CADM2: variants seen among roughly 807,000 people sequenced by gnomAD.
CADM2 encodes cell adhesion molecule 2.
A neutral mutation model predicts 49.8 loss-of-function variants in CADM2; 12 were observed. The observed-to-expected ratio is 0.24, with a 90% confidence interval of 0.15 to 0.39. The LOEUF (loss-of-function observed/expected upper bound fraction) is 0.39, where lower values mean the gene tolerates loss of function less well. Among genes scored for constraint, CADM2 ranks in the 10% least tolerant of loss-of-function variants. The pLI, the probability that CADM2 is intolerant of heterozygous loss-of-function variation, is 1.00. For missense variants in CADM2, 378 were observed against 492.3 expected (o/e 0.77, Z 2.20); for synonymous variants, 214 against 175.4 (o/e 1.22, Z -1.74).
chr3:85,269,958 C>T (rs1007517041), intron 1 of CADM2, among the ~76,000 whole-genome samples: 1 of 151,166 alleles, frequency 6.6e-6, no homozygotes, highest in African/African-American at 2.4e-5. Context: ...ATATCGTTTA[C>T]AGGCAAAATA....
intron 6 of CADM2, among the ~76,000 whole-genome samples, chr3:85,914,812 G>A (rs985728704): frequency 1.3e-5 from 2 of 152,204 alleles, no homozygotes; most frequent in African/African-American, 4.8e-5. Context: ...CTATTCTAAA[G>A]AGGCTTCTGG....
At chr3:85,136,744 C>T (rs1346881845) in intron 1 of CADM2, among the ~76,000 whole-genome samples, 1 of 151,886 alleles carries the variant, frequency 6.6e-6, no homozygotes, top group African/African-American at 2.4e-5. Flanking sequence ...TTTTTAATGA[C>T]TACCTCCAAA....
At chr3:85,830,470 A>C (rs2108227274) in intron 3 of CADM2, among the ~76,000 whole-genome samples, 1 of 152,084 alleles carries the variant, frequency 6.6e-6, no homozygotes, top group South Asian at 2.1e-4. Flanking sequence ...ACCATCCCAT[A>C]AGTTGCCTTT....
intron 2 of CADM2, among the ~76,000 whole-genome samples, chr3:85,789,693 T>C (rs1165786650): frequency 6.6e-6 from 1 of 152,174 alleles, no homozygotes; most frequent in Non-Finnish European, 1.5e-5. Flanking sequence ...ACACTGAACA[T>C]TTTATGGAGT....
At chr3:85,740,129 G>C (rs189579756) in intron 2 of CADM2, among the ~76,000 whole-genome samples, 3 of 152,280 alleles carry the variant, frequency 2.0e-5, no homozygotes, top group Admixed American at 2.0e-4. Flanking sequence ...ATTCTAGTTG[G>C]AATCCAGTTG....
chr3:85,247,685 G>A (rs762939276), intron 1 of CADM2, among the ~76,000 whole-genome samples: 5 of 152,112 alleles, frequency 3.3e-5, no homozygotes, highest in African/African-American at 4.8e-5. Context: ...GTTTGTTTTC[G>A]TTTTTCACTT....
At chr3:85,869,912 T>C (rs757997040) in intron 3 of CADM2, among the ~76,000 whole-genome samples, 1 of 152,206 alleles carries the variant, frequency 6.6e-6, no homozygotes, top group East Asian at 1.9e-4. Context: ...CCTCCCGCCT[T>C]GGCCTCCCAA....
chr3:85,734,855 C>T (rs2068068534), intron 2 of CADM2, among the ~76,000 whole-genome samples: 1 of 150,330 alleles, frequency 6.7e-6, no homozygotes, highest in Admixed American at 6.7e-5. Context: ...GTTTTAAAAA[C>T]TCTTAGTCAT....
chr3:85,651,840 C>G (rs890400629), intron 1 of CADM2, among the ~76,000 whole-genome samples: 18 of 147,672 alleles, frequency 1.2e-4, no homozygotes, highest in African/African-American at 4.5e-4. Context: ...TTTTTTGAGA[C>G]AGAGTCACGC....
At chr3:85,813,492 TA>T (rs1488301810) in intron 3 of CADM2, among the ~76,000 whole-genome samples, 2 of 152,190 alleles carry the variant, frequency 1.3e-5, no homozygotes, top group Non-Finnish European at 1.5e-5. Flanking sequence ...TACCATTCTG[TA>T]GGTTGCGTGA....
chr3:85,818,250 G>A (rs2073339164), intron 3 of CADM2, among the ~76,000 whole-genome samples: 1 of 152,112 alleles, frequency 6.6e-6, no homozygotes, highest in Non-Finnish European at 1.5e-5. Context: ...TAATTTAAGA[G>A]ACAAGGAAGA....
At position 85,596,849 on chromosome 3, in the gene CADM2, C is replaced by T. The variant is rs192359396; in HGVS notation, c.62-129673C>T. ...TCCCAACCTTAGCCTCCCTACTAGC[C>T]GGAACTACAGGCATGCCCCACCACG... is the stretch of plus-strand genomic sequence containing the variant. On this transcript the variant is annotated intron_variant, in intron 1 of 9. Transcript: ENST00000383699. Among the ~76,000 whole-genome samples the T allele has an allele frequency of 2.0e-3, 298 of 152,010 alleles. 1 individual carries two copies. The highest frequency in any genetic ancestry group is 7.0e-3 in the African/African-American group (291 of 41,500).
At chr3:85,935,718 T>C (rs1721121979) in intron 6 of CADM2, 49 bp from the exon 7 acceptor site, 1 of 945,800 alleles carries the variant, frequency 1.1e-6, no homozygotes, top group South Asian at 1.6e-5. Context: ...ATTAAATATC[T>C]AGTTTTGTAT....
intron 1 of CADM2, among the ~76,000 whole-genome samples, chr3:85,125,942 A>C (rs1038735842): frequency 4.6e-5 from 7 of 152,208 alleles, no homozygotes; most frequent in Non-Finnish European, 7.3e-5. Context: ...GTTTTGAGAT[A>C]ATTATATAAT....
intron 6 of CADM2, among the ~76,000 whole-genome samples, chr3:85,919,196 C>A (rs1347706089): frequency 1.3e-5 from 2 of 151,922 alleles, no homozygotes; most frequent in Non-Finnish European, 2.9e-5. Flanking sequence ...ATCATGAAAT[C>A]TTATGCTTAT....
At chr3:85,210,799 C>T (rs1398916950) in intron 1 of CADM2, among the ~76,000 whole-genome samples, 1 of 152,056 alleles carries the variant, frequency 6.6e-6, no homozygotes, top group Non-Finnish European at 1.5e-5. Flanking sequence ...ACCTCAGCCT[C>T]CTAGAGTAGA....
chr3:85,718,191 A>G (rs1410967134), intron 1 of CADM2, among the ~76,000 whole-genome samples: 2 of 152,234 alleles, frequency 1.3e-5, no homozygotes, highest in Non-Finnish European at 2.9e-5. Context: ...AAAATTAGCC[A>G]TTGAGAATAT....
At chr3:85,667,333 AC>A (rs2065598954) in intron 1 of CADM2, among the ~76,000 whole-genome samples, 1 of 152,012 alleles carries the variant, frequency 6.6e-6, no homozygotes, top group South Asian at 2.1e-4. Flanking sequence ...TATTATTCCA[AC>A]CTGTAATCAA....
intron 1 of CADM2, among the ~76,000 whole-genome samples, chr3:85,032,640 G>A (rs775942062): frequency 6.6e-6 from 1 of 151,958 alleles, no homozygotes; most frequent in Admixed American, 6.6e-5. Context: ...TTTAATCATC[G>A]GAGAAGTCTG....
Sources: gnomAD v4.1 joint callset for allele counts (sites outside exome capture counted in the v4.1 genomes callset) on GRCh38, gnomAD v4.1.1 for gene constraint, MANE v1.5 for transcripts, NCBI Gene and HGNC (gene_info 2026-07-23, HGNC 2026-07-21) for gene names.